ATP6V1B1: variants seen among roughly 807,000 people sequenced by gnomAD.
The protein encoded by ATP6V1B1 is V-type proton ATPase subunit B, kidney isoform.
Under a neutral mutation model 62.1 loss-of-function variants are expected in ATP6V1B1, and 41 were observed. The ratio of observed to expected loss-of-function variants is 0.66; its 90% CI spans 0.51 to 0.86. The LOEUF is 0.86. Among genes scored for constraint, ATP6V1B1 ranks in the 40% least tolerant of loss-of-function variants. ATP6V1B1 has a pLI of 0.00. For synonymous variants in ATP6V1B1, 253 were observed against 273.4 expected, an observed-to-expected ratio of 0.93 and a Z score of 0.74; for missense variants, 651 against 697.5, an observed-to-expected ratio of 0.93 and a Z score of 0.75.
chr2:70,957,758 TA>T, intron 2 of ATP6V1B1: 2 of 440,568 alleles, frequency 4.5e-6, no homozygotes, highest in Non-Finnish European at 8.5e-6. Context: ...ACTTATGACT[TA>T]CGTATTTAAT....
At chr2:70,944,708 C>G (rs1207654915) in intron 2 of ATP6V1B1, among the ~76,000 whole-genome samples, 1 of 150,184 alleles carries the variant, frequency 6.7e-6, no homozygotes, top group Non-Finnish European at 1.5e-5. Context: ...TCACTCTGTC[C>G]CCCAGGCTGG....
At chr2:70,945,199 G>A (rs1553417126) in intron 2 of ATP6V1B1, among the ~76,000 whole-genome samples, 1 of 152,178 alleles carries the variant, frequency 6.6e-6, no homozygotes, top group African/African-American at 2.4e-5. Context: ...TTAAAGCAGT[G>A]ATGAGCACAA....
chr2:70,953,455 T>G (rs1052824894), intron 2 of ATP6V1B1, among the ~76,000 whole-genome samples: 1 of 152,216 alleles, frequency 6.6e-6, no homozygotes, highest in Non-Finnish European at 1.5e-5. Context: ...GTGAATTACA[T>G]GAATAGATTT....
rs1481188640 is a variant in ATP6V1B1 at position 70,963,435 on chromosome 2, G to C, written c.1060+123G>C. On this transcript the variant is annotated intron_variant, in intron 10 of 13. Transcript: ENST00000234396. The surrounding 1 kb of genome is among the most constrained non-coding windows in gnomAD (Gnocchi z 4.3). ...GCAGCGCTTTTCCTCCATCGAGATA[G>C]ACACTGCCCTTTCCTCCACCATCCA... is the stretch of plus-strand genomic sequence containing the variant. 1.4e-5 allele frequency: 21 copies of C among 1,541,644 alleles called. No individual in the cohort carries two copies. The highest frequency in any genetic ancestry group is 1.7e-5 in the Admixed American group (1 of 57,724).
At chr2:70,940,875 T>G in intron 1 of ATP6V1B1, 2 of 983,458 alleles carry the variant, frequency 2.0e-6, no homozygotes, top group Non-Finnish European at 1.2e-6. Context: ...CCACAAAGAT[T>G]TCTTTTTCTT....
intron 8 of ATP6V1B1, 49 bp downstream of exon 8, chr2:70,961,742 C>T: frequency 6.4e-7 from 1 of 1,569,706 alleles, no homozygotes; most frequent in Non-Finnish European, 8.8e-7. Context: ...CAGACCCCGT[C>T]CCCTTCCAAG....
At position 70,960,030 on chromosome 2, in the gene ATP6V1B1, C is replaced by T. The variant is rs545034098; in HGVS notation, c.537C>T (p.Arg179=). The T allele has an allele frequency of 1.8e-5, 29 of 1,614,100 alleles. No individual in the cohort carries two copies. Among genetic ancestry groups the T allele is most frequent in the East Asian group, 1.6e-4 (7 of 44,888 alleles). ...TTGACGTCATGAACAGCATTGCCCG[C>T]GGCCAGAAGATCCCCATCTTCTCAG... ...SPIDVMNSIA[R]GQKIPIFSAA... Residue 179 remains arginine, a synonymous_variant, in exon 6 of 14, where the codon CGC becomes CGT. Coordinates refer to ENST00000234396, the MANE Select transcript of ATP6V1B1 (RefSeq NM_001692.4).
chr2:70,962,754 T>C, intron 8 of ATP6V1B1, 23 bp from the exon 9 acceptor site: 1 of 1,612,816 alleles, frequency 6.2e-7, no homozygotes. Flanking sequence ...CCAGGCTCTC[T>C]AAACACCTGG....
intron 1 of ATP6V1B1, among the ~76,000 whole-genome samples, chr2:70,938,401 C>A (rs1449852276): frequency 6.6e-6 from 1 of 152,200 alleles, no homozygotes; most frequent in Non-Finnish European, 1.5e-5. Flanking sequence ...GGCCTCCTAC[C>A]CTGGGTCTGT....
chr2:70,958,811 T>C (rs1680509450), intron 4 of ATP6V1B1, among the ~76,000 whole-genome samples: 1 of 152,142 alleles, frequency 6.6e-6, no homozygotes, highest in Non-Finnish European at 1.5e-5. Flanking sequence ...AGGCCTTGCC[T>C]GTAAAGGTTT....
intron 2 of ATP6V1B1, chr2:70,943,979 T>C: frequency 1.0e-6 from 1 of 980,836 alleles, no homozygotes; most frequent in Non-Finnish European, 1.2e-6. Context: ...CTACTATCCC[T>C]AACAAGCTGT....
Position 70,963,542 on chromosome 2 carries a change from C to G in ATP6V1B1, c.1061-30C>G, listed in dbSNP as rs1553420507. ...AGTGGTTGGAGACCTGGGCCCCCAC[C>G]CACACTGAGGCCAGTGAGTTTTCTT... On this transcript the variant is annotated intron_variant, in intron 10 of 13. Coordinates refer to ENST00000234396, the MANE Select transcript of ATP6V1B1 (RefSeq NM_001692.4). The surrounding 1 kb of genome is among the most constrained non-coding windows in gnomAD (Gnocchi z 4.3). 1.2e-6 allele frequency: 2 copies of G among 1,607,744 alleles called. No individual in the cohort carries two copies. Among genetic ancestry groups the G allele is most frequent in the Non-Finnish European group, 1.7e-6 (2 of 1,174,232 alleles).
intron 2 of ATP6V1B1, among the ~76,000 whole-genome samples, chr2:70,946,396 G>A (rs969911578): frequency 6.6e-6 from 1 of 152,094 alleles, no homozygotes; most frequent in Admixed American, 6.5e-5. Flanking sequence ...CTAGCTACAT[G>A]CCAACCCTAG....
chr2:70,940,981 A>G (rs1294559847), intron 1 of ATP6V1B1: 1 of 862,300 alleles, frequency 1.2e-6, no homozygotes. Flanking sequence ...TAATAGCATG[A>G]TCAGAGCTCA....
intron 2 of ATP6V1B1, among the ~76,000 whole-genome samples, chr2:70,952,743 A>G (rs1275295758): frequency 2.6e-5 from 4 of 152,160 alleles, no homozygotes; most frequent in African/African-American, 4.8e-5. Flanking sequence ...ATATTGATCT[A>G]TAGTTTTCCT....
intron 1 of ATP6V1B1, chr2:70,940,851 C>T (rs1679980256): frequency 1.5e-5 from 15 of 984,408 alleles, no homozygotes; most frequent in Non-Finnish European, 1.7e-5. Context: ...CAGTTAACAC[C>T]TTTCATAATC....
At chr2:70,937,360 G>A (rs1679882312) in intron 1 of ATP6V1B1, among the ~76,000 whole-genome samples, 1 of 152,102 alleles carries the variant, frequency 6.6e-6, no homozygotes, top group Admixed American at 6.5e-5. Context: ...CCTGGGGTGT[G>A]GGGCACCTCC....
At chr2:70,958,001 T>C in intron 2 of ATP6V1B1, 45 bp from the exon 3 acceptor site, 1 of 1,564,510 alleles carries the variant, frequency 6.4e-7, no homozygotes. Context: ...GAAGGGACTT[T>C]GCCTCCAGTC....
intron 1 of ATP6V1B1, among the ~76,000 whole-genome samples, chr2:70,942,987 A>C (rs2215827): frequency 0.98 from 149,702 of 152,342 alleles, 73,562 homozygotes; most frequent in East Asian, 1. Flanking sequence ...CCAATTCCCT[A>C]TGCAAGCTGA....
Sources: gnomAD v4.1 joint callset for allele counts (sites outside exome capture counted in the v4.1 genomes callset) on GRCh38, gnomAD v4.1.1 for gene constraint, Gnocchi (gnomAD v3.1) non-coding constraint, MANE v1.5 for transcripts, NCBI Gene and HGNC (gene_info 2026-07-23, HGNC 2026-07-21) for gene names.